CDC14B: variants seen among roughly 807,000 people sequenced by gnomAD.
CDC14B encodes dual specificity protein phosphatase CDC14B.
A neutral mutation model predicts 64.2 loss-of-function variants in CDC14B; 22 were observed. The ratio of observed to expected loss-of-function variants is 0.34; its 90% CI spans 0.24 to 0.49. The LOEUF is 0.49. Among genes scored for constraint, CDC14B ranks in the 20% least tolerant of loss-of-function variants. The pLI is 0.99. For synonymous variants in CDC14B, 191 were observed against 215.8 expected, an observed-to-expected ratio of 0.89 and a Z score of 1.01; for missense variants, 498 against 629.9, an observed-to-expected ratio of 0.79 and a Z score of 2.24.
chr9:96,539,815 T>C (rs1160722688), intron 6 of CDC14B, among the ~76,000 whole-genome samples: 1 of 152,316 alleles, frequency 6.6e-6, no homozygotes, highest in South Asian at 2.1e-4. Context: ...AAGCAGAGTG[T>C]CTATTTTCTG....
chr9:96,604,509 T>C (rs1188052305), intron 1 of CDC14B, among the ~76,000 whole-genome samples: 2 of 151,370 alleles, frequency 1.3e-5, no homozygotes, highest in Admixed American at 1.3e-4. Context: ...GCCTCCCGAG[T>C]AGCTGGGATT....
In CDC14B at chr9:96,515,997, T is replaced by G. The variant is rs1249099810; in HGVS notation, c.1344-6208A>C. Among the ~76,000 whole-genome samples the G allele has an allele frequency of 2.0e-5, 3 of 152,210 alleles. No individual in the cohort carries two copies. Among genetic ancestry groups the G allele is most frequent in the African/African-American group, 7.2e-5 (3 of 41,440 alleles). ...AAAAAATGCTGTGTTTAAACAGGTT[T>G]CATACTTTGGGACTCAGTCACTAGT... On this transcript the variant is annotated intron_variant, in intron 12 of 13. Transcript: ENST00000375241. The surrounding 1 kb of genome is among the most constrained non-coding windows in gnomAD (Gnocchi z 4.3).
chr9:96,534,674 G>C, intron 7 of CDC14B, 132 bp from the exon 8 acceptor site: 1 of 629,050 alleles, frequency 1.6e-6, no homozygotes, highest in Admixed American at 3.0e-5. Context: ...ATTGCCATGA[G>C]ACAGGAATCT....
At chr9:96,596,782 C>T (rs1846107280) in intron 1 of CDC14B, among the ~76,000 whole-genome samples, 1 of 151,584 alleles carries the variant, frequency 6.6e-6, no homozygotes. Flanking sequence ...TCACTTGAAT[C>T]CAGGAGGTCA....
intron 9 of CDC14B, among the ~76,000 whole-genome samples, chr9:96,529,794 T>G (rs1039589514): frequency 6.6e-6 from 1 of 152,030 alleles, no homozygotes; most frequent in Non-Finnish European, 1.5e-5. Flanking sequence ...ATGCCCAGCC[T>G]GTATGAAGTT....
At chr9:96,530,284 G>A (rs1838242577) in intron 9 of CDC14B, among the ~76,000 whole-genome samples, 1 of 149,176 alleles carries the variant, frequency 6.7e-6, no homozygotes, top group Admixed American at 6.6e-5. Flanking sequence ...TAATCTTGAG[G>A]GTTCTCTCTC....
At chr9:96,573,287 G>A (rs1455837153) in intron 1 of CDC14B, among the ~76,000 whole-genome samples, 2 of 152,018 alleles carry the variant, frequency 1.3e-5, no homozygotes, top group Non-Finnish European at 2.9e-5. Flanking sequence ...CTCCAGCCTG[G>A]GTGACCAAGT....
chr9:96,616,446 G>A (rs1229506343), intron 1 of CDC14B, among the ~76,000 whole-genome samples: 3 of 151,916 alleles, frequency 2.0e-5, no homozygotes, highest in East Asian at 3.9e-4. Context: ...TCATTTGATA[G>A]GCTGGGTGAA....
At chr9:96,561,418 T>A (rs1843156987) in intron 4 of CDC14B, among the ~76,000 whole-genome samples, 4 of 152,214 alleles carry the variant, frequency 2.6e-5, no homozygotes, top group African/African-American at 7.2e-5. Context: ...CGGTAAGGCA[T>A]GCCAGAGATA....
chr9:96,522,645 A>G (rs758662982), intron 11 of CDC14B, 42 bp from the exon 12 acceptor site: 2 of 1,271,032 alleles, frequency 1.6e-6, no homozygotes, highest in Non-Finnish European at 2.3e-6. Context: ...TTTAAGTTGC[A>G]CTTATTAATG....
At chr9:96,498,006 T>A (rs1833324307), downstream of CDC14B, among the ~76,000 whole-genome samples, 1 of 152,196 alleles carries the variant, frequency 6.6e-6, no homozygotes, top group South Asian at 2.1e-4. Context: ...TTGTAAGAAT[T>A]TATCCTAAGG....
chr9:96,498,371 C>G (rs1054018327), downstream of CDC14B, among the ~76,000 whole-genome samples: 2 of 152,232 alleles, frequency 1.3e-5, no homozygotes, highest in African/African-American at 4.8e-5. Flanking sequence ...AGTGGCGGAG[C>G]TGGGGCAGAT....
intron 5 of CDC14B, among the ~76,000 whole-genome samples, chr9:96,549,763 A>G (rs1056491932): frequency 2.6e-5 from 4 of 152,244 alleles, no homozygotes; most frequent in African/African-American, 9.6e-5. Context: ...TTTCTAGCTA[A>G]GTCTTGCCTT....
At chr9:96,565,593 G>C (rs1314412823) in intron 1 of CDC14B, 110 bp from the exon 2 acceptor site, 1 of 776,228 alleles carries the variant, frequency 1.3e-6, no homozygotes, top group African/African-American at 1.7e-5. Context: ...TTTCATGCAC[G>C]TTTCAGATGG....
intron 1 of CDC14B, among the ~76,000 whole-genome samples, chr9:96,587,842 G>A (rs905536265): frequency 1.3e-5 from 2 of 152,158 alleles, no homozygotes; most frequent in African/African-American, 2.4e-5. Flanking sequence ...AAGTGCCCCA[G>A]AGCAATTTTT....
At chr9:96,571,300 C>T (rs759359430) in intron 1 of CDC14B, among the ~76,000 whole-genome samples, 2 of 152,034 alleles carry the variant, frequency 1.3e-5, no homozygotes, top group African/African-American at 2.4e-5. Flanking sequence ...CTCAGCCTCC[C>T]GAGTAGCTGG....
intron 1 of CDC14B, chr9:96,566,941 G>A (rs1844086652): frequency 6.6e-7 from 1 of 1,504,106 alleles, no homozygotes; most frequent in Non-Finnish European, 8.9e-7. Flanking sequence ...GGCAGCGGGC[G>A]CAGCGACACC....
Position 96,515,874 on chromosome 9 carries a change from A to G in CDC14B, c.1344-6085T>C, listed in dbSNP as rs1835582644. On this transcript the variant is annotated intron_variant, in intron 12 of 13. Transcript: ENST00000375241. This position sits in a 1 kb window ranked among gnomAD's most constrained non-coding sequence, Gnocchi z 4.3. ...TACGCAATCATCAATCAATCAAGCC[A>G]TATGTGAATTTTAGACACCCTAAAA... 1.5e-6 allele frequency: 2 copies of G among 1,356,034 alleles called. No individual in the cohort carries two copies. Among genetic ancestry groups the G allele is most frequent in the Non-Finnish European group, 2.0e-6 (2 of 1,006,620 alleles). The allele number at this position is 1,356,034 out of a possible 1,614,324, so 84.0% of individuals were successfully genotyped here. A position where few individuals can be genotyped will look rare whatever the true frequency, so the allele number is the denominator to read the frequency against.
chr9:96,562,672 A>G (rs1843371386), intron 4 of CDC14B, 21 bp downstream of exon 4: 1 of 1,513,110 alleles, frequency 6.6e-7, no homozygotes, highest in Non-Finnish European at 9.2e-7. Flanking sequence ...TTATGAATAC[A>G]TTAGGAAAAC....
Sources: allele counts gnomAD v4.1 joint callset (sites outside exome capture counted in the v4.1 genomes callset), GRCh38; gene constraint gnomAD v4.1.1; non-coding constraint Gnocchi (gnomAD v3.1); transcripts MANE v1.5; gene names NCBI Gene and HGNC (gene_info 2026-07-23, HGNC 2026-07-21).